The following NRXN3 variants were observed in gnomAD, a reference collection of about 807,000 sequenced individuals.
NRXN3 encodes neurexin 3, also known as neurexin III.
In NRXN3, 32 loss-of-function variants were observed where a neutral mutation model predicts 137.6. That is an observed-to-expected ratio of 0.23 (90% CI 0.18 to 0.31). The LOEUF is 0.31. NRXN3 is among the 10% of genes least tolerant of loss of function. The probability of loss-of-function intolerance (pLI) is 1.00; values close to 1 mark genes in which losing one functional copy is unlikely to be tolerated. For missense variants in NRXN3, 1,574 were observed against 2,062.5 expected (o/e 0.76, Z 4.59); for synonymous variants, 798 against 784.5 (o/e 1.02, Z -0.29).
chr14:79,134,372 C>T (rs1443769212), intron 15 of NRXN3, among the ~76,000 whole-genome samples: 3 of 151,894 alleles, frequency 2.0e-5, no homozygotes, highest in Middle Eastern at 3.2e-3. Flanking sequence ...GAAACTTGAA[C>T]GAAGACAAAA....
chr14:79,381,738 G>C (rs1452538099), intron 15 of NRXN3, among the ~76,000 whole-genome samples: 1 of 152,138 alleles, frequency 6.6e-6, no homozygotes, highest in Non-Finnish European at 1.5e-5. Context: ...TAACCTTCCA[G>C]AGTGTTCCAT....
chr14:79,148,233 G>A (rs1277953702), intron 15 of NRXN3, among the ~76,000 whole-genome samples: 3 of 152,074 alleles, frequency 2.0e-5, no homozygotes, highest in Non-Finnish European at 4.4e-5. Flanking sequence ...AAGCTCAGAG[G>A]GTTCATGGTA....
chr14:79,654,127 A>G (rs1314821269), intron 16 of NRXN3, among the ~76,000 whole-genome samples: 3 of 152,144 alleles, frequency 2.0e-5, no homozygotes, highest in Non-Finnish European at 4.4e-5. Flanking sequence ...GAGAACTACA[A>G]GTGAGAAAAG....
chr14:79,828,708 G>T (rs1392889791), intron 20 of NRXN3, among the ~76,000 whole-genome samples: 14 of 140,876 alleles, frequency 9.9e-5, no homozygotes, highest in African/African-American at 3.5e-4. Context: ...GAATAGATTT[G>T]ACTGGAATAG....
At chr14:78,547,657 A>G (rs920816105) in intron 4 of NRXN3, among the ~76,000 whole-genome samples, 1 of 151,810 alleles carries the variant, frequency 6.6e-6, no homozygotes, top group Non-Finnish European at 1.5e-5. Flanking sequence ...TCTTTTATAT[A>G]TTTATATTTT....
At position 79,008,475 on chromosome 14, in the gene NRXN3, C is replaced by T. The variant is rs142793907; in HGVS notation, c.3262+20334C>T. On this transcript the variant is annotated intron_variant, in intron 15 of 20. Transcript: ENST00000335750. ...TAATGAAATAGTCATATGTCTACTA[C>T]CCAACTTAAGAGTTATAGATTTATT... 3.4e-4 allele frequency among the ~76,000 whole-genome samples: 51 copies of T among 152,204 alleles called. No individual in the cohort carries two copies. In the East Asian group the frequency reaches 9.5e-3, roughly 28 times the overall value.
chr14:78,205,985 A>G (rs10151566), intron 1 of NRXN3, among the ~76,000 whole-genome samples: 9,405 of 152,172 alleles, frequency 0.062, 863 homozygotes, highest in African/African-American at 0.2. Flanking sequence ...AGAAGGGAAG[A>G]GTTTGTATTG....
chr14:79,008,672 T>C (rs1400040423), intron 15 of NRXN3, among the ~76,000 whole-genome samples: 3 of 151,378 alleles, frequency 2.0e-5, no homozygotes, highest in Non-Finnish European at 4.4e-5. Context: ...TTTTTTTTTT[T>C]TTTTTTGACA....
intron 4 of NRXN3, among the ~76,000 whole-genome samples, chr14:78,342,808 T>G (rs1047982073): frequency 2.0e-5 from 3 of 152,232 alleles, no homozygotes. Context: ...ACTTGCTATG[T>G]GTTTTTGATA....
intron 11 of NRXN3, among the ~76,000 whole-genome samples, chr14:78,960,801 C>A (rs1174006899): frequency 6.6e-6 from 1 of 152,098 alleles, no homozygotes; most frequent in Non-Finnish European, 1.5e-5. Context: ...ACCTACATAG[C>A]ATGTATAGCA....
chr14:79,207,384 A>G (rs886491816), intron 15 of NRXN3, among the ~76,000 whole-genome samples: 14 of 152,216 alleles, frequency 9.2e-5, no homozygotes, highest in African/African-American at 2.7e-4. Flanking sequence ...AAAAGTGCAC[A>G]TGAATGGAAA....
intron 4 of NRXN3, among the ~76,000 whole-genome samples, chr14:78,420,922 A>C (rs746365258): frequency 3.9e-5 from 6 of 152,186 alleles, no homozygotes; most frequent in African/African-American, 1.4e-4. Flanking sequence ...CAAAGGCTCA[A>C]TGTAGGGAAC....
At chr14:78,587,341 A>G (rs900294005) in intron 4 of NRXN3, among the ~76,000 whole-genome samples, 25 of 152,222 alleles carry the variant, frequency 1.6e-4, no homozygotes, top group African/African-American at 5.8e-4. Flanking sequence ...TATCAGCATC[A>G]TCTAGAAACT....
At chr14:79,111,800 G>A (rs1467499115) in intron 15 of NRXN3, among the ~76,000 whole-genome samples, 2 of 151,474 alleles carry the variant, frequency 1.3e-5, no homozygotes, top group Non-Finnish European at 2.9e-5. Context: ...TCAATTTCTT[G>A]TATTATTGTG....
chr14:78,955,755 A>T (rs1052038491), intron 10 of NRXN3, among the ~76,000 whole-genome samples: 15 of 152,176 alleles, frequency 9.9e-5, no homozygotes, highest in African/African-American at 3.4e-4. Context: ...AACTACTACC[A>T]TAGCTCTTAT....
At chr14:78,843,454 AC>A (rs1409330252) in intron 10 of NRXN3, among the ~76,000 whole-genome samples, 3 of 151,910 alleles carry the variant, frequency 2.0e-5, no homozygotes, top group Admixed American at 1.3e-4. Flanking sequence ...CTTTTATTCA[AC>A]ACATATTTAT....
At chr14:79,340,242 G>A (rs752892551) in intron 15 of NRXN3, among the ~76,000 whole-genome samples, 7 of 151,836 alleles carry the variant, frequency 4.6e-5, no homozygotes, top group Non-Finnish European at 7.4e-5. Flanking sequence ...TTCGTTGGAG[G>A]AGGAGTGTGA....
intron 4 of NRXN3, among the ~76,000 whole-genome samples, chr14:78,373,437 T>C (rs889636195): frequency 2.6e-5 from 4 of 152,178 alleles, no homozygotes; most frequent in East Asian, 3.8e-4. Flanking sequence ...GATAGCTTAG[T>C]GCAAAACAGC....
intron 15 of NRXN3, among the ~76,000 whole-genome samples, chr14:79,155,721 C>A (rs974601470): frequency 1.3e-5 from 2 of 151,504 alleles, no homozygotes; most frequent in Admixed American, 1.3e-4. Flanking sequence ...AGGAGATTGG[C>A]AGATTTTAAA....
Sources: gnomAD v4.1 joint callset for allele counts (sites outside exome capture counted in the v4.1 genomes callset) on GRCh38, gnomAD v4.1.1 for gene constraint, MANE v1.5 for transcripts, NCBI Gene and HGNC (gene_info 2026-07-23, HGNC 2026-07-21) for gene names.